Variants in DUOXA2 observed in about 807,000 individuals in gnomAD.
DUOXA2 encodes the protein dual oxidase maturation factor 2.
DUOXA2 carries 22 observed loss-of-function variants against 27.6 expected under a neutral mutation model. The observed-to-expected ratio is 0.80, with a 90% CI of 0.57 to 1.14. The LOEUF (loss-of-function observed/expected upper bound fraction) is 1.14. Among genes scored for constraint, DUOXA2 ranks in the 50% most tolerant of loss-of-function variants. The probability of loss-of-function intolerance (pLI) is 0.00; values close to 1 mark genes in which losing one functional copy is unlikely to be tolerated. For synonymous variants in DUOXA2, 188 were observed against 184.4 expected (o/e 1.02, Z -0.16); for missense variants, 481 against 419.9 (o/e 1.15, Z -1.27).
In DUOXA2 at chr15:45,117,955, C is replaced by G. The variant is rs1189861440; in HGVS notation, c.*46C>G. On this transcript the variant is annotated 3_prime_UTR_variant, in exon 6 of 6. Coordinates refer to ENST00000323030, the MANE Select transcript of DUOXA2 (RefSeq NM_207581.4). ...CTTCCCCGCCTTGGGACATCGCAGG[C>G]CGGGAAGCAGTGCCCGCCAGGCCTG... 1 of 1,612,728 alleles carries G rather than the reference C, an allele frequency of 6.2e-7. No individual in the cohort carries two copies. Among genetic ancestry groups the G allele is most frequent in the African/African-American group, 1.3e-5 (1 of 74,946 alleles).
intron 3 of DUOXA2, 100 bp from the exon 4 acceptor site, chr15:45,116,416 C>G: frequency 6.4e-7 from 1 of 1,563,328 alleles, no homozygotes; most frequent in Non-Finnish European, 8.7e-7. Flanking sequence ...GAACCCATTT[C>G]TCCCGCCGAG....
At chr15:45,115,484 C>T (rs1353755388) in intron 1 of DUOXA2, 1 of 566,674 alleles carries the variant, frequency 1.8e-6, no homozygotes, top group South Asian at 1.5e-5. Context: ...CAAGCAGTGA[C>T]TGGACCAGGA....
intron 4 of DUOXA2, 116 bp downstream of exon 4, chr15:45,116,845 TC>T: frequency 7.7e-7 from 1 of 1,305,950 alleles, no homozygotes; most frequent in Non-Finnish European, 1.1e-6. Context: ...CCCGACGCGC[TC>T]GGGGTGGGCA....
intron 1 of DUOXA2, among the ~76,000 whole-genome samples, chr15:45,115,177 CAT>C (rs1046188088): frequency 1.3e-5 from 2 of 152,242 alleles, no homozygotes; most frequent in African/African-American, 4.8e-5. Flanking sequence ...GGTTGAGACA[CAT>C]GTGTATGGGT....
chr15:45,116,347 T>A, intron 3 of DUOXA2, 89 bp downstream of exon 3: 2 of 1,586,330 alleles, frequency 1.3e-6, no homozygotes, highest in Non-Finnish European at 1.7e-6. Flanking sequence ...GCCTCTCACA[T>A]CCCACAAGCT....
chr15:45,117,235 C>A lies in DUOXA2; in HGVS notation c.699C>A (p.Cys233Ter). The A allele has an allele frequency of 1.2e-6, 2 of 1,610,350 alleles. No individual in the cohort carries two copies. Among genetic ancestry groups the A allele is most frequent in the Non-Finnish European group, 8.5e-7 (1 of 1,179,602 alleles). ...ALASISSVPL[C>*]PLRLGSSALT... ...CCTCCATCTCTAGCGTGCCGCTCTG[C>A]CCGCTCCGCCTAGGCTCCTCCGCGC... The change falls in exon 5 of 6, where the codon TGC (cysteine) becomes TGA (stop). Residue 233 changes from cysteine to a stop codon, truncating the protein, a stop_gained. Coordinates refer to ENST00000323030, the MANE Select transcript of DUOXA2 (RefSeq NM_207581.4). LOFTEE classifies it high-confidence loss of function.
rs1894548553 is a variant in DUOXA2 at position 45,114,451 on chromosome 15, C to G, written c.-155C>G. The stretch of plus-strand genomic sequence containing the variant: ...TGAGAGCAGCCCACCTCCACGCTTC[C>G]TTAACGGAGAGGTGCAGGACTCAGA... On this transcript the variant is annotated 5_prime_UTR_variant, in exon 1 of 6. Transcript: ENST00000323030. The G allele has an allele frequency of 9.9e-7, 1 of 1,009,340 alleles. No individual in the cohort carries two copies. The highest frequency in any genetic ancestry group is 1.6e-5 in the African/African-American group (1 of 62,648). The allele number at this position is 1,009,340 out of a possible 1,614,324, so 62.5% of individuals were successfully genotyped here. A position where few individuals can be genotyped will look rare whatever the true frequency, so the allele number is the denominator to read the frequency against.
At chr15:45,114,939 T>G (rs1355198122) in intron 1 of DUOXA2, among the ~76,000 whole-genome samples, 187 bp downstream of exon 1, 1 of 152,092 alleles carries the variant, frequency 6.6e-6, no homozygotes, top group Non-Finnish European at 1.5e-5. Context: ...GAGCTCCCCA[T>G]CCAGGATATC....
Position 45,116,710 on chromosome 15 carries a change from T to G in DUOXA2, c.535T>G (p.Tyr179Asp), listed in dbSNP as rs775995387. 7 of 1,613,414 alleles carry G rather than the reference T, an allele frequency of 4.3e-6. No individual in the cohort carries two copies. Among genetic ancestry groups the G allele is most frequent in the Non-Finnish European group, 5.9e-6 (7 of 1,180,034 alleles). The stretch of plus-strand genomic sequence containing the variant: ...CCACCAGTACCACCTGGCGGGACAC[T>G]ACGCCTCGGCCACGCTATGGTAAGT... ...LYHQYHLAGH[Y>D]ASATLWVAFC... The change falls in exon 4 of 6, where the codon TAC becomes GAC. Residue 179 changes from tyrosine (Y) to aspartate (D), a missense_variant. By Grantham distance (160) the Tyr-to-Asp change is radical (BLOSUM62 -3). Coordinates refer to ENST00000323030, the MANE Select transcript of DUOXA2 (RefSeq NM_207581.4).
rs746855734 is a variant in DUOXA2 at position 45,116,521 on chromosome 15, C to G, written c.346C>G (p.Pro116Ala). 13 of 1,613,840 alleles carry G rather than the reference C, an allele frequency of 8.1e-6. No individual in the cohort carries two copies. The highest frequency in any genetic ancestry group is 1.1e-5 in the Non-Finnish European group (13 of 1,180,032). ...EGINITLTGT[P>A]VHQLNETIDY... ...GAGCCCGCCTCACCCCACAGGGACC[C>G]CAGTGCATCAGCTGAACGAGACCAT... The change falls in exon 4 of 6, where the codon CCA becomes GCA. Residue 116 changes from proline (P) to alanine (A), a missense_variant. Transcript: ENST00000323030.
rs758636428 is a variant in DUOXA2 at position 45,117,338 on chromosome 15, A to G, written c.769+33A>G. The G allele has an allele frequency of 3.2e-6, 5 of 1,553,384 alleles. No homozygotes were observed. In the East Asian group the frequency reaches 1.2e-4, roughly 36 times the overall value. ...CCGAGAGAATGGGCCCCGGGGGCTA[A>G]GGGTGGAGACAGGATTCACACCGGG... On this transcript the variant is annotated intron_variant, in intron 5 of 5. Transcript: ENST00000323030.
At chr15:45,115,755 G>T (rs941470206) in intron 1 of DUOXA2, 44 bp from the exon 2 acceptor site, 30 of 1,613,810 alleles carry the variant, frequency 1.9e-5, no homozygotes, top group Middle Eastern at 1.6e-4. Flanking sequence ...TGGGGACTCT[G>T]GTTTGGCAGG....
rs1037570613 is a variant in DUOXA2 at position 45,115,564 on chromosome 15, G to A, written c.148-235G>A. 5.9e-6 allele frequency: 4 copies of A among 681,072 alleles called. No individual in the cohort carries two copies. In the Admixed American group the frequency reaches 8.2e-5, roughly 14 times the overall value. The allele number at this position is 681,072 out of a possible 1,614,324, so 42.2% of individuals were successfully genotyped here. A position where few individuals can be genotyped will look rare whatever the true frequency, so the allele number is the denominator to read the frequency against. On this transcript the variant is annotated intron_variant, in intron 1 of 5. Coordinates refer to ENST00000323030, the MANE Select transcript of DUOXA2 (RefSeq NM_207581.4). ...GGTGGAAGAGTGCCAGGAAGTGGGG[G>A]TGGAGGGGAGGTGCTGTTAGGGTAG...
chr15:45,117,502 T>C lies in DUOXA2; in HGVS notation c.769+197T>C, dbSNP rs374281877. On this transcript the variant is annotated intron_variant, in intron 5 of 5. Transcript: ENST00000323030. ...CTCAGAAGGGTTTGGTGTCTTGCCGTGTTTCATGTAATTCAGATTAGAGGT... is the reference window on the plus strand; with the variant it reads ...CTCAGAAGGGTTTGGTGTCTTGCCGCGTTTCATGTAATTCAGATTAGAGGT... 27 of 1,553,016 alleles carry C rather than the reference T, an allele frequency of 1.7e-5. No individual in the cohort carries two copies. In the African/African-American group the frequency reaches 3.7e-4, roughly 21 times the overall value.
At position 45,116,274 on chromosome 15, in the gene DUOXA2, C is replaced by T. The variant is rs1375778677; in HGVS notation, c.340+16C>T. On this transcript the variant is annotated intron_variant, in intron 3 of 5. Transcript: ENST00000323030. ...ACACTCACAGGTGAGGGGGCTGGGGCTAAATGAACTCCTGGAGCTGGGAGA... is the reference window on the plus strand; with the variant it reads ...ACACTCACAGGTGAGGGGGCTGGGGTTAAATGAACTCCTGGAGCTGGGAGA... 5 of 1,612,882 alleles carry T rather than the reference C, an allele frequency of 3.1e-6. No homozygotes were observed. Among genetic ancestry groups the T allele is most frequent in the Non-Finnish European group, 4.2e-6 (5 of 1,179,292 alleles).
chr15:45,115,388 T>A, intron 1 of DUOXA2: 2 of 470,918 alleles, frequency 4.2e-6, no homozygotes, highest in Non-Finnish European at 8.5e-6. Context: ...TCCCACCTCC[T>A]CCCCTCGGAG....
At chr15:45,114,866 G>A (rs1182799572) in intron 1 of DUOXA2, 114 bp downstream of exon 1, 6 of 1,509,632 alleles carry the variant, frequency 4.0e-6, no homozygotes, top group African/African-American at 1.4e-5. Context: ...TAGTCGAATT[G>A]AGGCTCAGGT....
At chr15:45,116,874 A>C in intron 4 of DUOXA2, 145 bp downstream of exon 4, 2 of 1,104,494 alleles carry the variant, frequency 1.8e-6, no homozygotes, top group African/African-American at 1.6e-5. Flanking sequence ...CTCGCGGGTT[A>C]GAAGATCCAC....
rs1202285850 is a variant in DUOXA2 at position 45,118,038 on chromosome 15, C to A, written c.*129C>A. On this transcript the variant is annotated 3_prime_UTR_variant, in exon 6 of 6. Transcript: ENST00000323030. The stretch of plus-strand genomic sequence containing the variant: ...CTGCTGGCGCGAGGCCTCGGACATC[C>A]GCAGGCACCAGGGAAAGTCTCCTGG... The A allele has an allele frequency of 2.5e-6, 4 of 1,594,790 alleles. No homozygotes were observed. The highest frequency in any genetic ancestry group is 3.4e-6 in the Non-Finnish European group (4 of 1,167,500).
Sources: gnomAD v4.1 joint callset for allele counts (sites outside exome capture counted in the v4.1 genomes callset) on GRCh38, gnomAD v4.1.1 for gene constraint, MANE v1.5 for transcripts, NCBI Gene and HGNC (gene_info 2026-07-23, HGNC 2026-07-21) for gene names.